Variants in PPARGC1A observed in about 807,000 individuals in gnomAD.
PPARGC1A encodes PPARG coactivator 1 alpha.
PPARGC1A carries 25 observed loss-of-function variants against 88.7 expected under a neutral mutation model. The observed-to-expected ratio is 0.28, with a 90% CI of 0.21 to 0.39. PPARGC1A has a LOEUF of 0.39. Among genes scored for constraint, PPARGC1A ranks in the 10% least tolerant of loss-of-function variants. The probability of loss-of-function intolerance (pLI) is 1.00; values close to 1 mark genes in which losing one functional copy is unlikely to be tolerated. For synonymous variants in PPARGC1A, 363 were observed against 355.6 expected, an observed-to-expected ratio of 1.02 and a Z score of -0.24; for missense variants, 880 against 968.7, an observed-to-expected ratio of 0.91 and a Z score of 1.22.
chr4:23,984,689 T>C, the PPARGC1A span, among the ~76,000 whole-genome samples: 77 of 152,218 alleles, frequency 5.1e-4, no homozygotes, highest in East Asian at 4.5e-3. Flanking sequence ...CTTTTCTATA[T>C]GTAATTGCAT....
chr4:23,990,902 A>C, the PPARGC1A span, among the ~76,000 whole-genome samples: 1 of 152,068 alleles, frequency 6.6e-6, no homozygotes, highest in East Asian at 1.9e-4. Flanking sequence ...AGAAATTCAC[A>C]TCTGTGGCTA....
intron 3 of PPARGC1A, 113 bp from the exon 4 acceptor site, chr4:23,829,698 C>T: frequency 9.6e-7 from 1 of 1,044,416 alleles, no homozygotes. Context: ...AAAGTTAATT[C>T]TATCATTTTA....
the PPARGC1A span, among the ~76,000 whole-genome samples, chr4:24,165,456 A>G: frequency 6.6e-6 from 1 of 152,172 alleles, no homozygotes; most frequent in Non-Finnish European, 1.5e-5. Flanking sequence ...ACCTCATTTT[A>G]TACAGGAATA....
At chr4:24,115,312 AT>A in the PPARGC1A span, among the ~76,000 whole-genome samples, 2 of 152,274 alleles carry the variant, frequency 1.3e-5, no homozygotes, top group East Asian at 1.9e-4. Context: ...TAATGATGTC[AT>A]TTTTTTAAAT....
chr4:23,870,482 C>T (rs1713065096), intron 2 of PPARGC1A, among the ~76,000 whole-genome samples: 1 of 152,174 alleles, frequency 6.6e-6, no homozygotes, highest in African/African-American at 2.4e-5. Context: ...GGTCAGTTGT[C>T]ACTGCTCACC....
chr4:24,151,495 C>CA, the PPARGC1A span, among the ~76,000 whole-genome samples: 1 of 152,106 alleles, frequency 6.6e-6, no homozygotes, highest in South Asian at 2.1e-4. Flanking sequence ...ACCATCACAC[C>CA]GGGGGTTAGG....
chr4:23,925,727 A>G, the PPARGC1A span, among the ~76,000 whole-genome samples: 1 of 152,238 alleles, frequency 6.6e-6, no homozygotes, highest in African/African-American at 2.4e-5. Context: ...GAGGTATAGC[A>G]GAATCATTTT....
chr4:24,174,413 T>C, the PPARGC1A span, among the ~76,000 whole-genome samples: 2,087 of 152,322 alleles, frequency 0.014, 62 homozygotes, highest in African/African-American at 0.047. Flanking sequence ...ATCTGTATTT[T>C]TACAAGCATC....
chr4:23,971,868 G>A, the PPARGC1A span, among the ~76,000 whole-genome samples: 15 of 152,216 alleles, frequency 9.9e-5, no homozygotes, highest in Non-Finnish European at 1.6e-4. Flanking sequence ...GATAGAAATG[G>A]ACCCCCAGAC....
the PPARGC1A span, among the ~76,000 whole-genome samples, chr4:23,988,239 A>G: frequency 6.6e-6 from 1 of 152,092 alleles, no homozygotes; most frequent in African/African-American, 2.4e-5. Flanking sequence ...TAGTGCTGCA[A>G]TGAACATATG....
At chr4:24,097,128 G>A in the PPARGC1A span, among the ~76,000 whole-genome samples, 9 of 152,096 alleles carry the variant, frequency 5.9e-5, no homozygotes, top group South Asian at 2.1e-4. Context: ...GGTTAAGACC[G>A]CATTGTAAGA....
chr4:24,161,698 G>A, the PPARGC1A span, among the ~76,000 whole-genome samples: 1 of 152,192 alleles, frequency 6.6e-6, no homozygotes, highest in Non-Finnish European at 1.5e-5. Flanking sequence ...ACGTAGTTCA[G>A]AGAGGTTCCG....
the PPARGC1A span, among the ~76,000 whole-genome samples, chr4:24,031,482 CT>C: frequency 1.3e-5 from 2 of 152,038 alleles, no homozygotes; most frequent in Non-Finnish European, 2.9e-5. Context: ...TCTAATAAAC[CT>C]GATAAATTAA....
At chr4:24,403,815 C>T in the PPARGC1A span, among the ~76,000 whole-genome samples, 6 of 152,186 alleles carry the variant, frequency 3.9e-5, no homozygotes, top group Non-Finnish European at 7.3e-5. Flanking sequence ...GATCATCTCT[C>T]TCTCTCTCTT....
the PPARGC1A span, among the ~76,000 whole-genome samples, chr4:24,352,495 G>A: frequency 6.6e-6 from 1 of 152,148 alleles, no homozygotes; most frequent in African/African-American, 2.4e-5. Context: ...CCAGAGAATG[G>A]CACCCAGTTC....
At chr4:24,465,664 C>A in the PPARGC1A span, among the ~76,000 whole-genome samples, 23 of 152,170 alleles carry the variant, frequency 1.5e-4, no homozygotes, top group Admixed American at 4.6e-4. Context: ...TCCTTGCCCT[C>A]TTCATAGAGA....
chr4:24,214,745 G>A, the PPARGC1A span, among the ~76,000 whole-genome samples: 1 of 152,154 alleles, frequency 6.6e-6, no homozygotes, highest in Non-Finnish European at 1.5e-5. Context: ...GGGAGAGAAA[G>A]GGAGCACTGG....
chr4:24,419,293 G>T, the PPARGC1A span, among the ~76,000 whole-genome samples: 2 of 151,272 alleles, frequency 1.3e-5, no homozygotes, highest in African/African-American at 4.9e-5. Flanking sequence ...AACCACGGAA[G>T]TGTGATATTG....
chr4:24,057,239 C>T, the PPARGC1A span, among the ~76,000 whole-genome samples: 531 of 152,134 alleles, frequency 3.5e-3, 5 homozygotes, highest in Middle Eastern at 0.024. Context: ...ATACAAAATA[C>T]CTAGAGTAGT....
Sources: allele counts gnomAD v4.1 joint callset (sites outside exome capture counted in the v4.1 genomes callset), GRCh38; gene constraint gnomAD v4.1.1; transcripts MANE v1.5; gene names NCBI Gene and HGNC (gene_info 2026-07-23, HGNC 2026-07-21).